The following WDR17 variants were observed in gnomAD, a reference collection of about 807,000 sequenced individuals.
WDR17 encodes WD repeat-containing protein 17.
Under a neutral mutation model 161.7 loss-of-function variants are expected in WDR17, and 143 were observed. The observed-to-expected ratio is 0.88, with a 90% CI of 0.77 to 1.02. The LOEUF (loss-of-function observed/expected upper bound fraction) is 1.02, where lower values mean the gene tolerates loss of function less well. Among genes scored for constraint, WDR17 ranks in the 50% least tolerant of loss-of-function variants. WDR17 has a pLI of 0.00. For missense variants in WDR17, 1,469 were observed against 1,520.9 expected (o/e 0.97, Z 0.57); for synonymous variants, 517 against 515.6 (o/e 1.00, Z -0.04).
In WDR17 at chr4:176,166,039, C is replaced by CT. The variant is rs376610269; in HGVS notation, c.2991-2626dup. Reference sequence around the variant, plus strand: ...CATAATTTTTAAGCTATAAACAGCGCTTTTTTTACATTTACTGTAAAAGTC... The same window carrying CT: ...CATAATTTTTAAGCTATAAACAGCGCTTTTTTTTACATTTACTGTAAAAGTC... On this transcript the variant is annotated intron_variant, in intron 22 of 28. Transcript: ENST00000508596. 1.3e-4 allele frequency: 96 copies of CT among 726,486 alleles called. 1 individual carries two copies. The highest frequency in any genetic ancestry group is 1.2e-3 in the African/African-American group (64 of 53,338). 45.0% of individuals were successfully genotyped at this position (726,486 alleles called of 1,614,324 possible).
At chr4:176,118,003 A>T (rs186392072) in intron 3 of WDR17, among the ~76,000 whole-genome samples, 528 of 151,936 alleles carry the variant, frequency 3.5e-3, no homozygotes, top group African/African-American at 0.012. Context: ...TTGCCTCTGT[A>T]TTTTTACTTC....
intron 7 of WDR17, 87 bp from the exon 8 acceptor site, chr4:176,135,021 G>A (rs1744173835): frequency 3.7e-6 from 5 of 1,336,634 alleles, no homozygotes; most frequent in South Asian, 2.6e-5. Context: ...CCGTATACAT[G>A]TGTCAATTTG....
At chr4:176,130,520 A>G (rs373762239) in intron 6 of WDR17, among the ~76,000 whole-genome samples, 2,476 of 152,180 alleles carry the variant, frequency 0.016, 19 homozygotes, top group Non-Finnish European at 0.021. Flanking sequence ...CAAGGCGGGC[A>G]GATCACAAGG....
chr4:176,148,059 C>A (rs934585698), intron 12 of WDR17, 74 bp from the exon 13 acceptor site: 1 of 1,287,926 alleles, frequency 7.8e-7, no homozygotes, highest in South Asian at 1.4e-5. Context: ...TTATTATACT[C>A]TATTAAGAAT....
chr4:176,170,228 T>C (rs973978919), intron 23 of WDR17, among the ~76,000 whole-genome samples: 3 of 152,076 alleles, frequency 2.0e-5, no homozygotes, highest in African/African-American at 4.8e-5. Flanking sequence ...ACCACACTAG[T>C]AATAGGAAAA....
At chr4:176,112,613 G>A (rs1262278792) in intron 2 of WDR17, among the ~76,000 whole-genome samples, 1 of 152,004 alleles carries the variant, frequency 6.6e-6, no homozygotes, top group Non-Finnish European at 1.5e-5. Flanking sequence ...TGCCTGTCTA[G>A]AGAACACTTT....
intron 6 of WDR17, among the ~76,000 whole-genome samples, chr4:176,131,096 A>G (rs1056609963): frequency 6.6e-6 from 1 of 152,200 alleles, no homozygotes; most frequent in African/African-American, 2.4e-5. Flanking sequence ...AAAATGAATT[A>G]TGCATAATCT....
chr4:176,165,745 A>G (rs1179146837), intron 22 of WDR17, among the ~76,000 whole-genome samples: 1 of 152,166 alleles, frequency 6.6e-6, no homozygotes, highest in East Asian at 1.9e-4. Context: ...CAAACTCATA[A>G]CATAGTATGT....
chr4:176,126,897 C>A (rs1265940471), intron 5 of WDR17, among the ~76,000 whole-genome samples: 2 of 152,110 alleles, frequency 1.3e-5, no homozygotes, highest in Admixed American at 6.6e-5. Flanking sequence ...ATTCCACTGC[C>A]CTGTGAAGAA....
rs373423755 is a variant in WDR17 at position 176,115,809 on chromosome 4, A to G, written c.137A>G (p.Tyr46Cys). ...ATTTTGTTTTAGTTGGATCACCGTT[A>G]TAATGAATTCAAACTTCACGCAATT... ...AIYIYQLDHR[Y>C]NEFKLHAIMS... The change falls in exon 3 of 29, where the codon TAT (tyrosine) becomes TGT (cysteine). Residue 46 changes from tyrosine to cysteine, a missense_variant. Coordinates refer to ENST00000508596, the MANE Select transcript of WDR17 (RefSeq NM_181265.4). The G allele has an allele frequency of 1.2e-6, 2 of 1,604,964 alleles. No individual in the cohort carries two copies. The highest frequency in any genetic ancestry group is 1.7e-5 in the Admixed American group (1 of 59,234).
At chr4:176,160,569 G>A (rs886545110) in intron 19 of WDR17, among the ~76,000 whole-genome samples, 9 of 152,168 alleles carry the variant, frequency 5.9e-5, no homozygotes, top group South Asian at 2.1e-4. Context: ...TGATCCTCCC[G>A]CCTCAACCTC....
chr4:176,091,574 A>T (rs1429168383), intron 1 of WDR17, among the ~76,000 whole-genome samples: 1 of 152,174 alleles, frequency 6.6e-6, no homozygotes, highest in Non-Finnish European at 1.5e-5. Context: ...CTAATGATGC[A>T]TCTTAAAGAA....
intron 1 of WDR17, among the ~76,000 whole-genome samples, chr4:176,105,006 A>G (rs983492346): frequency 1.3e-5 from 2 of 152,006 alleles, no homozygotes; most frequent in African/African-American, 2.4e-5. Context: ...AGATCCAAAG[A>G]CACAAATAGA....
intron 1 of WDR17, among the ~76,000 whole-genome samples, chr4:176,099,522 G>A (rs1737448312): frequency 6.6e-6 from 1 of 152,084 alleles, no homozygotes; most frequent in South Asian, 2.1e-4. Flanking sequence ...CTTGCTTCCA[G>A]CAGGGGGAGG....
intron 10 of WDR17, among the ~76,000 whole-genome samples, chr4:176,140,994 C>A (rs1436680454): frequency 6.6e-6 from 1 of 152,160 alleles, no homozygotes; most frequent in Non-Finnish European, 1.5e-5. Flanking sequence ...CCATCAATCC[C>A]CAGTAACCTC....
chr4:176,112,930 T>G (rs1740007738), intron 2 of WDR17, among the ~76,000 whole-genome samples: 1 of 152,148 alleles, frequency 6.6e-6, no homozygotes, highest in Non-Finnish European at 1.5e-5. Flanking sequence ...CATTACTAAT[T>G]GCATTATGCT....
chr4:176,162,178 C>A lies in WDR17; in HGVS notation c.2850+4C>A. 3.1e-6 allele frequency: 5 copies of A among 1,609,804 alleles called. No homozygotes were observed. The highest frequency in any genetic ancestry group is 4.2e-6 in the Non-Finnish European group (5 of 1,178,046). The stretch of plus-strand genomic sequence containing the variant: ...TCTTGCCATAGATAATATTGAGGTA[C>A]GACATTTAAAACTGGTTTATGTGAA... On this transcript the variant is annotated splice_donor_region_variant and intron_variant, in intron 21 of 28. Coordinates refer to ENST00000508596, the MANE Select transcript of WDR17 (RefSeq NM_181265.4).
chr4:176,132,881 G>A (rs1485172215), intron 7 of WDR17, among the ~76,000 whole-genome samples: 1 of 151,762 alleles, frequency 6.6e-6, no homozygotes, highest in Non-Finnish European at 1.5e-5. Flanking sequence ...AGGATATACT[G>A]TTTCCTACAC....
chr4:176,095,462 G>C (rs1286660773), intron 1 of WDR17, among the ~76,000 whole-genome samples: 1 of 152,124 alleles, frequency 6.6e-6, no homozygotes, highest in African/African-American at 2.4e-5. Flanking sequence ...TCACAGTAGA[G>C]ATAAGGCTGT....
Sources: allele counts gnomAD v4.1 joint callset (sites outside exome capture counted in the v4.1 genomes callset), GRCh38; gene constraint gnomAD v4.1.1; transcripts MANE v1.5; gene names NCBI Gene and HGNC (gene_info 2026-07-23, HGNC 2026-07-21).